The following DACH2 variants were observed in gnomAD, a reference collection of about 807,000 sequenced individuals.
DACH2 encodes dachshund family transcription factor 2.
DACH2 carries 17 observed loss-of-function variants against 35.8 expected under a neutral mutation model. The observed-to-expected ratio is 0.48, with a 90% CI of 0.33 to 0.71. The LOEUF (loss-of-function observed/expected upper bound fraction) is 0.71, where lower values mean the gene tolerates loss of function less well. DACH2 is among the 30% of genes least tolerant of loss of function. The probability of loss-of-function intolerance (pLI) is 0.02; values close to 1 mark genes in which losing one functional copy is unlikely to be tolerated. For missense variants in DACH2, 469 were observed against 472.7 expected, an observed-to-expected ratio of 0.99 and a Z score of 0.07; for synonymous variants, 195 against 177.3, an observed-to-expected ratio of 1.10 and a Z score of -0.79.
intron 1 of DACH2, among the ~76,000 whole-genome samples, chrX:86,187,057 G>A (rs1415845818): frequency 1.8e-5 from 2 of 111,734 alleles, no homozygotes; most frequent in Non-Finnish European, 3.8e-5. Context: ...TTATTTTATT[G>A]CCATATAACT....
chrX:86,531,388 T>C (rs6623695), intron 3 of DACH2, among the ~76,000 whole-genome samples: 33,890 of 110,361 alleles, frequency 0.31, 4,381 homozygotes, highest in Middle Eastern at 0.46. Context: ...AAAATGGTTC[T>C]GTGGGGTGGG....
rs1380613474 is a variant in DACH2 at position 86,254,807 on chromosome X, T to TATATATATATAGAG, written c.488+105700_488+105701insTATATATATAGAGA. 1.6e-3 allele frequency among the ~76,000 whole-genome samples: 77 copies of TATATATATATAGAG among 49,610 alleles called. 1 individual carries two copies. Among genetic ancestry groups the TATATATATATAGAG allele is most frequent in the Non-Finnish European group, 1.9e-3 (59 of 31,568 alleles). 43.1% of individuals were successfully genotyped at this position (49,610 alleles called of 115,157 possible). A position where few individuals can be genotyped will look rare whatever the true frequency, so the allele number is the denominator to read the frequency against. The stretch of plus-strand genomic sequence containing the variant: ...ATATATATATATATATATATATATA[T>TATATATATATAGAG]AGAGAGAGAGAGAGAGAGAGAGAGA... On this transcript the variant is annotated intron_variant, in intron 1 of 11. Coordinates refer to ENST00000373125, the MANE Select transcript of DACH2 (RefSeq NM_053281.3).
chrX:86,294,581 GT>G (rs1266059532), intron 1 of DACH2, among the ~76,000 whole-genome samples: 1 of 109,531 alleles, frequency 9.1e-6, no homozygotes, highest in Non-Finnish European at 1.9e-5. Flanking sequence ...TTTGATGATG[GT>G]GATGTACAGA....
chrX:86,635,696 A>G (rs1471854085), intron 3 of DACH2, among the ~76,000 whole-genome samples: 1 of 111,785 alleles, frequency 8.9e-6, no homozygotes, highest in East Asian at 2.8e-4. Context: ...AAAATACAAA[A>G]TCAATGCATA....
At chrX:86,225,007 G>A (rs1171119683) in intron 1 of DACH2, among the ~76,000 whole-genome samples, 3 of 111,560 alleles carry the variant, frequency 2.7e-5, no homozygotes, top group African/African-American at 3.3e-5. Context: ...TGTTAAGAGA[G>A]TCAGAGATAA....
At chrX:86,445,547 A>G (rs1465549327) in intron 2 of DACH2, among the ~76,000 whole-genome samples, 2 of 76,984 alleles carry the variant, frequency 2.6e-5, no homozygotes, top group Non-Finnish European at 4.6e-5. Flanking sequence ...AAAAAAAAAG[A>G]AACTACCATC....
chrX:86,671,195 C>T (rs1196071765), intron 4 of DACH2, among the ~76,000 whole-genome samples: 1 of 112,046 alleles, frequency 8.9e-6, no homozygotes, highest in Non-Finnish European at 1.9e-5. Flanking sequence ...TTCTCTGTGA[C>T]CTTCATTGTG....
chrX:86,507,654 G>A (rs2038343839), intron 2 of DACH2, among the ~76,000 whole-genome samples: 1 of 111,412 alleles, frequency 9.0e-6, no homozygotes, highest in Admixed American at 9.6e-5. Flanking sequence ...ACTCATTTAA[G>A]TAGTAATTGG....
At chrX:86,216,526 A>C (rs1243843796) in intron 1 of DACH2, among the ~76,000 whole-genome samples, 4 of 111,550 alleles carry the variant, frequency 3.6e-5, no homozygotes, top group African/African-American at 1.3e-4. Context: ...ATGTCCCTGC[A>C]AAAGACATGA....
chrX:86,443,115 C>A (rs1327016930), intron 2 of DACH2, among the ~76,000 whole-genome samples: 4 of 111,465 alleles, frequency 3.6e-5, no homozygotes, highest in African/African-American at 1.3e-4. Context: ...TAAGAAATGT[C>A]ATTGATATTT....
intron 3 of DACH2, among the ~76,000 whole-genome samples, chrX:86,555,082 A>C (rs5922258): frequency 0.32 from 35,653 of 110,037 alleles, 4,716 homozygotes; most frequent in Middle Eastern, 0.46. Flanking sequence ...TTATTCATCC[A>C]CTGTTTATAC....
At chrX:86,754,283 T>C (rs1450954059) in intron 7 of DACH2, among the ~76,000 whole-genome samples, 1 of 110,464 alleles carries the variant, frequency 9.1e-6, no homozygotes, top group African/African-American at 3.3e-5. Context: ...TCATCTAGAA[T>C]GTAGTACAGA....
intron 7 of DACH2, among the ~76,000 whole-genome samples, chrX:86,798,016 T>G (rs1295790482): frequency 8.9e-6 from 1 of 112,565 alleles, no homozygotes; most frequent in African/African-American, 3.2e-5. Flanking sequence ...ATAGATGTAC[T>G]CATAGTATTG....
At chrX:86,681,593 CCCTCTCTCTCTCTCTCTA>C (rs2040881653) in intron 4 of DACH2, among the ~76,000 whole-genome samples, 5 of 91,029 alleles carry the variant, frequency 5.5e-5, no homozygotes, top group African/African-American at 1.6e-4. Flanking sequence ...CTCTCTTTCT[CCCTCTCTCTCTCTCTCTA>C]TATATATATA....
rs781137649 is a variant in DACH2 at position 86,703,122 on chromosome X, A to G, written c.931+7943A>G. On this transcript the variant is annotated intron_variant, in intron 5 of 11. Transcript: ENST00000373125. ...ATACAGTGATGGGTCAATGTACTCA[A>G]GTCCAGAAACGTGATTCACCACCTA... 9.9e-5 allele frequency among the ~76,000 whole-genome samples: 11 copies of G among 111,572 alleles called. No individual in the cohort carries two copies. The South Asian group carries it at 3.7e-3, about 38-fold the overall frequency.
intron 1 of DACH2, among the ~76,000 whole-genome samples, chrX:86,224,440 G>A (rs370114616): frequency 4.5e-5 from 5 of 111,171 alleles, no homozygotes; most frequent in Admixed American, 1.9e-4. Context: ...TCACAAGCCC[G>A]CACCTTCCAC....
At chrX:86,546,421 C>CTTCT (rs2038970073) in intron 3 of DACH2, among the ~76,000 whole-genome samples, 2 of 81,188 alleles carry the variant, frequency 2.5e-5, no homozygotes, top group Non-Finnish European at 4.5e-5. Flanking sequence ...CTTCTTCTTT[C>CTTCT]TTCTTCTTCT....
chrX:86,712,767 A>G lies in DACH2; in HGVS notation c.932-1781A>G, dbSNP rs184422965. Among the ~76,000 whole-genome samples the G allele has an allele frequency of 1.4e-4, 16 of 111,145 alleles. No homozygotes were observed. The East Asian group carries it at 3.7e-3, about 25-fold the overall frequency. ...TTCAGAGCTCATAAGTTTAGTTTGG[A>G]AAGTTGTTCCTAAAAAGGATTTACA... On this transcript the variant is annotated intron_variant, in intron 5 of 11. Transcript: ENST00000373125.
intron 1 of DACH2, among the ~76,000 whole-genome samples, chrX:86,368,719 T>C (rs1428226549): frequency 2.7e-5 from 3 of 109,672 alleles, no homozygotes; most frequent in African/African-American, 9.9e-5. Context: ...TGTGCCACCA[T>C]GCTCAGCTAA....
Sources: gnomAD v4.1 joint callset for allele counts (sites outside exome capture counted in the v4.1 genomes callset) on GRCh38, gnomAD v4.1.1 for gene constraint, MANE v1.5 for transcripts, NCBI Gene and HGNC (gene_info 2026-07-23, HGNC 2026-07-21) for gene names.